The following ADGRV1 variants were observed in gnomAD, a reference collection of about 807,000 sequenced individuals.
ADGRV1 encodes adhesion G protein-coupled receptor V1.
In ADGRV1, 359 loss-of-function variants were observed where a neutral mutation model predicts 596.2. The observed-to-expected ratio is 0.60, with a 90% CI of 0.55 to 0.66. ADGRV1 has a LOEUF of 0.66. Ranked by LOEUF, ADGRV1 falls within the 30% of genes least tolerant of loss-of-function variation. The probability of loss-of-function intolerance (pLI) is 0.00; values close to 1 mark genes in which losing one functional copy is unlikely to be tolerated. For missense variants in ADGRV1, 7,274 were observed against 7,575.6 expected (o/e 0.96, Z 1.48); for synonymous variants, 2,681 against 2,679.2 (o/e 1.00, Z -0.02).
chr5:90,662,517 C>T (rs1271434466), intron 21 of ADGRV1, among the ~76,000 whole-genome samples: 1 of 151,866 alleles, frequency 6.6e-6, no homozygotes, highest in Non-Finnish European at 1.5e-5. Flanking sequence ...TTAAAGCAAA[C>T]CTCAGGCGTT....
chr5:90,868,570 C>G (rs1768355356), intron 83 of ADGRV1, among the ~76,000 whole-genome samples: 1 of 151,594 alleles, frequency 6.6e-6, no homozygotes, highest in Non-Finnish European at 1.5e-5. Context: ...AACTAGTTCC[C>G]CTGCCCCAAG....
chr5:90,705,209 T>C (rs746535152), intron 36 of ADGRV1, among the ~76,000 whole-genome samples, 191 bp from the exon 37 acceptor site: 1 of 152,172 alleles, frequency 6.6e-6, no homozygotes, highest in African/African-American at 2.4e-5. Flanking sequence ...GACAGTAATA[T>C]GTGAAGTAAA....
chr5:90,684,767 G>C (rs898949469), intron 28 of ADGRV1, among the ~76,000 whole-genome samples: 1 of 152,150 alleles, frequency 6.6e-6, no homozygotes, highest in Non-Finnish European at 1.5e-5. Context: ...CTGGGATTAG[G>C]ATTTAAATGT....
At chr5:90,597,368 A>G (rs954210662) in intron 1 of ADGRV1, among the ~76,000 whole-genome samples, 1 of 152,222 alleles carries the variant, frequency 6.6e-6, no homozygotes, top group Non-Finnish European at 1.5e-5. Context: ...AGGGTTTGTT[A>G]TAGACTTTAG....
chr5:90,622,764 A>G lies in ADGRV1; in HGVS notation c.558+63A>G, dbSNP rs185757607. The G allele has an allele frequency of 5.6e-3, 4,626 of 822,370 alleles. 25 individuals are homozygous for G. The highest frequency in any genetic ancestry group is 0.012 in the Admixed American group (383 of 31,070). The allele number at this position is 822,370 out of a possible 1,614,324, so 50.9% of individuals were successfully genotyped here. A position where few individuals can be genotyped will look rare whatever the true frequency, so the allele number is the denominator to read the frequency against. On this transcript the variant is annotated intron_variant, in intron 5 of 89. Coordinates refer to ENST00000405460, the MANE Select transcript of ADGRV1 (RefSeq NM_032119.4). ...TTATTTTTATTTATTTATTTTTGAG[A>G]CAGTCTTGCTCTGTTGCCCAAGCTG...
intron 1 of ADGRV1, 69 bp downstream of exon 1, chr5:90,558,986 C>A: frequency 7.2e-7 from 1 of 1,379,848 alleles, no homozygotes; most frequent in Non-Finnish European, 9.8e-7. Flanking sequence ...AGCATCAGCA[C>A]CTGTTGCTGC....
intron 84 of ADGRV1, among the ~76,000 whole-genome samples, chr5:90,983,106 C>A (rs1160085983): frequency 6.6e-6 from 1 of 152,060 alleles, no homozygotes. Flanking sequence ...TGATCATATT[C>A]TTTTAAGAAG....
intron 77 of ADGRV1, among the ~76,000 whole-genome samples, chr5:90,831,813 G>C (rs1764554169): frequency 6.6e-6 from 1 of 152,126 alleles, no homozygotes; most frequent in African/African-American, 2.4e-5. Context: ...CCACAAATAA[G>C]TGAGAACATT....
intron 85 of ADGRV1, among the ~76,000 whole-genome samples, chr5:91,004,059 G>A (rs1204097597): frequency 6.6e-6 from 1 of 152,112 alleles, no homozygotes; most frequent in African/African-American, 2.4e-5. Flanking sequence ...ATAAGGAGAT[G>A]TTACAGTATT....
chr5:90,684,635 G>C (rs2149588172), intron 28 of ADGRV1, among the ~76,000 whole-genome samples: 1 of 152,244 alleles, frequency 6.6e-6, no homozygotes, highest in Non-Finnish European at 1.5e-5. Context: ...TCTGCTTCCT[G>C]GGCCTTGTGG....
intron 84 of ADGRV1, among the ~76,000 whole-genome samples, chr5:90,983,463 C>T (rs1047863387): frequency 2.7e-4 from 41 of 152,228 alleles, no homozygotes; most frequent in East Asian, 1.7e-3. Context: ...ACTGCACCAC[C>T]GAGTTACGAT....
chr5:90,653,578 G>A lies in ADGRV1; in HGVS notation c.4004G>A (p.Gly1335Asp). 6.2e-7 allele frequency: 1 copy of A among 1,613,874 alleles called. No individual in the cohort carries two copies. ...GCTTTGTACTTTACCGGACTAGAGG[G>A]TGCATTTGGGACTGTTAATCCAAAA... ...TDALYFTGLE[G>D]AFGTVNPKYH... Residue 1335 changes from glycine to aspartate, a missense_variant, in exon 20 of 90, where the codon GGT becomes GAT. Gly to Asp is a moderately conservative substitution (Grantham distance 94, BLOSUM62 -1). Transcript: ENST00000405460.
At chr5:91,079,179 C>A (rs1439259977) in intron 86 of ADGRV1, among the ~76,000 whole-genome samples, 1 of 152,134 alleles carries the variant, frequency 6.6e-6, no homozygotes, top group Non-Finnish European at 1.5e-5. Flanking sequence ...GCAGTCTACT[C>A]CAAGCTCCAT....
At chr5:90,874,808 A>C (rs1769068130) in intron 83 of ADGRV1, among the ~76,000 whole-genome samples, 2 of 152,116 alleles carry the variant, frequency 1.3e-5, no homozygotes, top group South Asian at 4.2e-4. Context: ...CAGTGAGTGG[A>C]GATCGCACCA....
chr5:90,728,332 G>A (rs1047445422), intron 48 of ADGRV1, among the ~76,000 whole-genome samples: 1 of 152,166 alleles, frequency 6.6e-6, no homozygotes, highest in Admixed American at 6.5e-5. Context: ...TTCATATGTA[G>A]TGTATTTCCT....
intron 84 of ADGRV1, among the ~76,000 whole-genome samples, chr5:90,979,282 C>CT (rs746472642): frequency 2.0e-5 from 3 of 151,980 alleles, no homozygotes; most frequent in African/African-American, 4.8e-5. Context: ...AATCCTCCGC[C>CT]TTATCCTCCT....
intron 20 of ADGRV1, 25 bp from the exon 21 acceptor site, chr5:90,657,880 C>T (rs767556526): frequency 6.3e-7 from 1 of 1,581,612 alleles, no homozygotes; most frequent in South Asian, 1.2e-5. Context: ...GGTATTGTAG[C>T]ATTTAAACTT....
At chr5:90,973,926 A>G (rs1019602938) in intron 84 of ADGRV1, among the ~76,000 whole-genome samples, 1 of 152,234 alleles carries the variant, frequency 6.6e-6, no homozygotes, top group African/African-American at 2.4e-5. Context: ...CTGTTTGCAG[A>G]TGACATGATT....
At chr5:91,046,365 A>G (rs1785808804) in intron 85 of ADGRV1, among the ~76,000 whole-genome samples, 1 of 151,992 alleles carries the variant, frequency 6.6e-6, no homozygotes, top group Non-Finnish European at 1.5e-5. Flanking sequence ...ATAAAGTCAA[A>G]TACAGCCAAC....
Sources: gnomAD v4.1 joint callset for allele counts (sites outside exome capture counted in the v4.1 genomes callset) on GRCh38, gnomAD v4.1.1 for gene constraint, MANE v1.5 for transcripts, NCBI Gene and HGNC (gene_info 2026-07-23, HGNC 2026-07-21) for gene names.